Variants in TSC2 observed in about 807,000 individuals in gnomAD.
TSC2 encodes tuberin.
A neutral mutation model predicts 202.2 loss-of-function variants in TSC2; 29 were observed. The observed-to-expected ratio is 0.14, with a 90% CI of 0.11 to 0.20. The LOEUF is 0.20. Ranked by LOEUF, TSC2 falls within the 10% of genes least tolerant of loss-of-function variation. The pLI is 1.00. For synonymous variants in TSC2, 1,349 were observed against 1,044.0 expected, an observed-to-expected ratio of 1.29 and a Z score of -5.63; for missense variants, 2,429 against 2,420.0, an observed-to-expected ratio of 1.00 and a Z score of -0.08.
rs1266100762 is a variant in TSC2, at chr16:2,072,132, TCCATAGCC to T, written c.2098-107_2098-100del. On this transcript the variant is annotated intron_variant, in intron 19 of 41. Transcript: ENST00000219476. ...AGGCTCCCCCGGCTGAGAACAGGGC[TCCATAGCC>T]CTTGACGCTGTGCAGCCACAAAGCA... The T allele has an allele frequency of 5.0e-6, 8 of 1,587,246 alleles. No individual in the cohort carries two copies. The Admixed American group carries it at 1.4e-4, about 27-fold the overall frequency.
chr16:2,049,896 A>G (rs940394704), intron 2 of TSC2, among the ~76,000 whole-genome samples: 2 of 152,138 alleles, frequency 1.3e-5, no homozygotes, highest in Non-Finnish European at 2.9e-5. Flanking sequence ...GCAGTTGTGA[A>G]AAAAAATTGC....
At position 2,075,887 on chromosome 16, in the gene TSC2, C is replaced by T; in HGVS notation, c.2634C>T (p.Pro878=). 1 of 1,613,226 alleles carries T rather than the reference C, an allele frequency of 6.2e-7. No individual in the cohort carries two copies. The highest frequency in any genetic ancestry group is 8.5e-7 in the Non-Finnish European group (1 of 1,180,006). The stretch of plus-strand genomic sequence containing the variant: ...CCATCTCCCTGCCGTACACCAACCC[C>T]TCCAAGTGAGTGGTCGCCCCAGGCC... ...VFAISLPYTN[P]SKFNQYIVCL... is the part of the protein sequence containing the mutation. Residue 878 remains proline, a synonymous_variant, in exon 23 of 42, where the codon CCC becomes CCT. Coordinates refer to ENST00000219476, the MANE Select transcript of TSC2 (RefSeq NM_000548.5).
In TSC2 at chr16:2,079,164, C is replaced by T. The variant is rs45464800; in HGVS notation, c.3099C>T (p.Tyr1033=). 2.8e-5 allele frequency: 45 copies of T among 1,612,988 alleles called. No individual in the cohort carries two copies. The highest frequency in any genetic ancestry group is 2.1e-4 in the African/African-American group (16 of 75,054). The change falls in exon 27 of 42, where the codon TAC becomes TAT. Residue 1033 remains tyrosine (Y), a synonymous_variant. Transcript: ENST00000219476. The surrounding 1 kb of genome is among the most constrained non-coding windows in gnomAD (Gnocchi z 4.6). ...TETCLDMMAR[Y]VFSNFTAVPK... The stretch of plus-strand genomic sequence containing the variant: ...CCTGTCTGGACATGATGGCTCGATA[C>T]GTCTTCTCCAACTTCACGGCTGTCC...
In TSC2 at chr16:2,077,584, T is replaced by C. The variant is rs1375979558; in HGVS notation, c.2838-14T>C. 6.2e-7 allele frequency: 1 copy of C among 1,612,652 alleles called. No individual in the cohort carries two copies. The highest frequency in any genetic ancestry group is 2.2e-5 in the East Asian group (1 of 44,874). On this transcript the variant is annotated splice_polypyrimidine_tract_variant and intron_variant, in intron 25 of 41. Transcript: ENST00000219476. ...GGCTCTCTGGGGCGTTGGGGCTCCT[T>C]CCTCACCCGATAGTCTGAGGATAGC...
rs1408196847 is a variant in TSC2 at position 2,062,578 on chromosome 16, G to A, written c.1339G>A (p.Ala447Thr). The change falls in exon 13 of 42, where the codon GCG becomes ACG. Residue 447 changes from alanine to threonine, a missense_variant. Physicochemically the swap from Ala to Thr is moderately conservative, Grantham distance 58. Transcript: ENST00000219476. ...AKDGWIQNLQALMERFFRSES... is the reference protein window; with the variant it reads ...AKDGWIQNLQTLMERFFRSES... ...GGACGGCTGGATTCAGAACCTGCAG[G>A]CGCTGATGGAGAGATTCTTCAGGTA... is the stretch of plus-strand genomic sequence containing the variant. 3.1e-6 allele frequency: 5 copies of A among 1,610,498 alleles called. No individual in the cohort carries two copies. In the African/African-American group the frequency reaches 4.0e-5, roughly 13 times the overall value.
chr16:2,070,315 T>C, intron 16 of TSC2, 141 bp from the exon 17 acceptor site: 3 of 1,420,486 alleles, frequency 2.1e-6, no homozygotes, highest in East Asian at 4.8e-5. Flanking sequence ...AGAGTCCTGG[T>C]GGTCCTGGGT....
chr16:2,073,127 C>T (rs2088735142), intron 21 of TSC2, 144 bp downstream of exon 21: 1 of 1,336,008 alleles, frequency 7.5e-7, no homozygotes, highest in Non-Finnish European at 1.0e-6. Context: ...GGGTGGCTGC[C>T]AGATGCCCAG....
chr16:2,069,066 T>C (rs915320363), intron 16 of TSC2, among the ~76,000 whole-genome samples: 1 of 152,050 alleles, frequency 6.6e-6, no homozygotes, highest in African/African-American at 2.4e-5. Context: ...AAGTGACCCA[T>C]GAAGGCCAGC....
chr16:2,072,690 A>C (rs1183657390), intron 20 of TSC2, 159 bp from the exon 21 acceptor site: 1 of 1,220,476 alleles, frequency 8.2e-7, no homozygotes, highest in African/African-American at 1.5e-5. Flanking sequence ...CACTCCCACC[A>C]CTCCGAAAGG....
At chr16:2,057,592 C>A (rs1175339889) in intron 9 of TSC2, among the ~76,000 whole-genome samples, 1 of 152,182 alleles carries the variant, frequency 6.6e-6, no homozygotes, top group Non-Finnish European at 1.5e-5. Flanking sequence ...ATGCTGCCAG[C>A]TCCCCCTCCT....
At chr16:2,056,298 C>G (rs1164940782) in intron 7 of TSC2, 54 bp downstream of exon 7, 1 of 1,610,544 alleles carries the variant, frequency 6.2e-7, no homozygotes, top group African/African-American at 1.3e-5. Context: ...TTCTGGGAGG[C>G]TGGGGCTTGG....
At chr16:2,058,616 C>T (rs989103507) in intron 9 of TSC2, 131 bp from the exon 10 acceptor site, 13 of 1,370,088 alleles carry the variant, frequency 9.5e-6, no homozygotes, top group South Asian at 3.8e-5. Flanking sequence ...CCTTCCCCAG[C>T]GGTGCTCCTG....
chr16:2,085,351 T>G (rs1399456893), intron 36 of TSC2, 29 bp downstream of exon 36: 1 of 1,610,946 alleles, frequency 6.2e-7, no homozygotes, highest in Admixed American at 1.7e-5. Flanking sequence ...CCTAGGTGCC[T>G]GGACAGGGCC....
At position 2,048,010 on chromosome 16, in the gene TSC2, G is replaced by C. The variant is rs540716235; in HGVS notation, c.-85G>C. ...GCTTCCGGCGGCGTCCCGGGGCCAG[G>C]GGGGTGCGCCTTTCTCCGCGTCGGG... is the stretch of plus-strand genomic sequence containing the variant. On this transcript the variant is annotated 5_prime_UTR_variant, in exon 1 of 42. Transcript: ENST00000219476. 2.7e-4 allele frequency: 393 copies of C among 1,476,304 alleles called. 4 individuals are homozygous for C. The East Asian group carries it at 9.2e-3, about 34-fold the overall frequency. 91.5% of individuals were successfully genotyped at this position (1,476,304 alleles called of 1,614,324 possible). A position where few individuals can be genotyped will look rare whatever the true frequency, so the allele number is the denominator to read the frequency against.
chr16:2,064,193 G>A, intron 14 of TSC2, 79 bp from the exon 15 acceptor site: 1 of 1,609,080 alleles, frequency 6.2e-7, no homozygotes. Context: ...TTGCGGGTCG[G>A]TTCCTGAGGA....
intron 21 of TSC2, among the ~76,000 whole-genome samples, chr16:2,073,199 G>A (rs774855088): frequency 1.3e-5 from 2 of 152,248 alleles, no homozygotes; most frequent in Non-Finnish European, 2.9e-5. Context: ...GCCATCCAGT[G>A]TTCCCTGTCC....
rs201126835 is a variant in TSC2 at position 2,084,990 on chromosome 16, C to T, written c.4533C>T (p.Gly1511=). Residue 1511 remains glycine, a synonymous_variant, in exon 35 of 42, where the codon GGC becomes GGT. Coordinates refer to ENST00000219476, the MANE Select transcript of TSC2 (RefSeq NM_000548.5). ...AGCTCTACCATTCCCCCTTCTTTGG[C>T]GACGAGTCAAACAAGCCAATCCTGC... ...FLQLYHSPFF[G]DESNKPILLP... 2.0e-5 allele frequency: 33 copies of T among 1,613,142 alleles called. No individual in the cohort carries two copies. The highest frequency in any genetic ancestry group is 1.6e-4 in the Middle Eastern group (1 of 6,084).
At position 2,056,189 on chromosome 16, in the gene TSC2, C is replaced by T. The variant is rs2151070585; in HGVS notation, c.600-7C>T. 1 of 1,613,936 alleles carries T rather than the reference C, an allele frequency of 6.2e-7. No individual in the cohort carries two copies. ...GCTGCCGGGACTGAGCTCGGTGCTC[C>T]CTGCAGGATGATCTGTCTGCTGTGC... is the stretch of plus-strand genomic sequence containing the variant. On this transcript the variant is annotated splice_region_variant and splice_polypyrimidine_tract_variant and intron_variant, in intron 6 of 41. Transcript: ENST00000219476.
At chr16:2,085,589 C>T (rs1017480941) in intron 36 of TSC2, among the ~76,000 whole-genome samples, 3 of 152,092 alleles carry the variant, frequency 2.0e-5, no homozygotes, top group Non-Finnish European at 2.9e-5. Flanking sequence ...CTGGGGAGGG[C>T]GCTGTTGGTC....
Sources: gnomAD v4.1 joint callset for allele counts (sites outside exome capture counted in the v4.1 genomes callset) on GRCh38, gnomAD v4.1.1 for gene constraint, Gnocchi (gnomAD v3.1) non-coding constraint, MANE v1.5 for transcripts, NCBI Gene and HGNC (gene_info 2026-07-23, HGNC 2026-07-21) for gene names.